Variants in PCDH7 observed in about 807,000 individuals in gnomAD.
PCDH7 encodes protocadherin-7.
Under a neutral mutation model 58.9 loss-of-function variants are expected in PCDH7, and 17 were observed. The observed-to-expected ratio is 0.29, with a 90% CI of 0.20 to 0.43. The LOEUF (loss-of-function observed/expected upper bound fraction) is 0.43, where lower values mean the gene tolerates loss of function less well. Among genes scored for constraint, PCDH7 ranks in the 20% least tolerant of loss-of-function variants. PCDH7 has a pLI of 1.00. For missense variants in PCDH7, 1,274 were observed against 1,441.0 expected, an observed-to-expected ratio of 0.88 and a Z score of 1.88; for synonymous variants, 664 against 616.4, an observed-to-expected ratio of 1.08 and a Z score of -1.14.
At chr4:30,796,585 C>A (rs1204228454) in intron 1 of PCDH7, among the ~76,000 whole-genome samples, 1 of 152,168 alleles carries the variant, frequency 6.6e-6, no homozygotes, top group Non-Finnish European at 1.5e-5. Context: ...ACATAGAAGG[C>A]TAAAATATTC....
intron 1 of PCDH7, among the ~76,000 whole-genome samples, chr4:30,741,786 C>G (rs1461637568): frequency 6.6e-6 from 1 of 152,192 alleles, no homozygotes; most frequent in Non-Finnish European, 1.5e-5. Context: ...ATGGAACAAT[C>G]TGGCTCGATT....
At chr4:30,943,470 C>A (rs1578371309) in intron 2 of PCDH7, among the ~76,000 whole-genome samples, 1 of 152,116 alleles carries the variant, frequency 6.6e-6, no homozygotes, top group Non-Finnish European at 1.5e-5. Context: ...CAGTGAGTGG[C>A]TGAAATGCAG....
chr4:30,873,737 G>A (rs569673979), intron 1 of PCDH7, among the ~76,000 whole-genome samples: 49 of 152,072 alleles, frequency 3.2e-4, no homozygotes, highest in Middle Eastern at 3.4e-3. Context: ...CCCCATGTTC[G>A]TAATGCAAAT....
chr4:31,038,253 G>T (rs1385640504), intron 3 of PCDH7, among the ~76,000 whole-genome samples: 1 of 152,158 alleles, frequency 6.6e-6, no homozygotes, highest in Non-Finnish European at 1.5e-5. Flanking sequence ...ACCAAAGGAA[G>T]GTTGCACATG....
intron 3 of PCDH7, among the ~76,000 whole-genome samples, chr4:31,020,488 C>A (rs939661585): frequency 2.6e-5 from 4 of 152,184 alleles, no homozygotes; most frequent in Non-Finnish European, 1.5e-5. Context: ...GTAGGCGAAT[C>A]AAGTTCTAAT....
intron 3 of PCDH7, among the ~76,000 whole-genome samples, chr4:31,066,051 T>A (rs772255457): frequency 9.2e-5 from 14 of 151,866 alleles, no homozygotes; most frequent in Non-Finnish European, 1.5e-4. Flanking sequence ...GTTCCTTCTA[T>A]CACACTAACC....
intron 1 of PCDH7, among the ~76,000 whole-genome samples, chr4:30,842,423 A>C (rs541159544): frequency 2.4e-4 from 37 of 152,158 alleles, no homozygotes; most frequent in Non-Finnish European, 4.7e-4. Flanking sequence ...TCACATTTGA[A>C]ATTGGCAGTC....
intron 3 of PCDH7, among the ~76,000 whole-genome samples, chr4:31,130,609 C>T (rs897763071): frequency 2.0e-4 from 30 of 152,066 alleles, no homozygotes; most frequent in African/African-American, 7.2e-4. Flanking sequence ...TCCTATAGAC[C>T]AGAAGTCTGA....
intron 3 of PCDH7, among the ~76,000 whole-genome samples, chr4:30,957,080 CGTAATATGAGCTTA>C (rs1199128577): frequency 6.6e-6 from 1 of 152,020 alleles, no homozygotes; most frequent in Non-Finnish European, 1.5e-5. Flanking sequence ...TCAGCAGCTG[CGTAATATGAGCTTA>C]TCACCACCAT....
chr4:30,895,946 C>T (rs189658811), intron 1 of PCDH7, among the ~76,000 whole-genome samples: 232 of 152,252 alleles, frequency 1.5e-3, no homozygotes, highest in African/African-American at 5.2e-3. Context: ...TTACTTCTTC[C>T]GCTTCATCTA....
chr4:30,750,673 A>G (rs16884042), intron 1 of PCDH7, among the ~76,000 whole-genome samples: 45,370 of 152,000 alleles, frequency 0.3, 7,124 homozygotes, highest in African/African-American at 0.32. Flanking sequence ...GTATGCCCTT[A>G]TCCATTATGT....
rs541921435 is a variant in PCDH7 at position 31,027,838 on chromosome 4, T to C, written c.*7+77623T>C. ...CTCTGACTGTTGGTTCCCTTGAAAT[T>C]ACTGTGTGTAACATTTCCATGTGAA... On this transcript the variant is annotated intron_variant, in intron 3 of 3. Coordinates refer to the PCDH7 transcript ENST00000509759. Among the ~76,000 whole-genome samples, 4 of 152,348 alleles carry C rather than the reference T, an allele frequency of 2.6e-5. No individual in the cohort carries two copies. The South Asian group carries it at 8.3e-4, about 32-fold the overall frequency.
chr4:31,069,395 C>T (rs1758354756), intron 3 of PCDH7, among the ~76,000 whole-genome samples: 2 of 141,328 alleles, frequency 1.4e-5, no homozygotes. Flanking sequence ...CTTGAAAACA[C>T]CTGTTCTTCT....
intron 1 of PCDH7, among the ~76,000 whole-genome samples, chr4:30,915,719 T>A (rs543296521): frequency 6.6e-6 from 1 of 152,252 alleles, no homozygotes; most frequent in East Asian, 1.9e-4. Flanking sequence ...AGACGGGGTT[T>A]CACCATGTTG....
At chr4:30,796,842 C>T (rs923550148) in intron 1 of PCDH7, among the ~76,000 whole-genome samples, 1 of 152,168 alleles carries the variant, frequency 6.6e-6, no homozygotes, top group African/African-American at 2.4e-5. Flanking sequence ...TCCCTGCTAG[C>T]TTATCCTAAT....
chr4:30,950,032 T>A (rs998670143), intron 2 of PCDH7: 2 of 152,604 alleles, frequency 1.3e-5, no homozygotes, highest in East Asian at 1.9e-4. Context: ...TTTTGGAAAT[T>A]GTTTTATTGG....
chr4:30,843,464 G>T (rs1731496366), intron 1 of PCDH7, among the ~76,000 whole-genome samples: 1 of 152,106 alleles, frequency 6.6e-6, no homozygotes, highest in Admixed American at 6.6e-5. Flanking sequence ...AAAGTGCTGG[G>T]ATTACAGGCG....
intron 1 of PCDH7, among the ~76,000 whole-genome samples, chr4:30,839,048 C>G (rs1466113285): frequency 2.0e-5 from 3 of 151,704 alleles, no homozygotes; most frequent in Admixed American, 6.6e-5. Flanking sequence ...GAAAGGGCAT[C>G]CTGAATTTAT....
At chr4:30,827,762 G>A (rs756005882) in intron 1 of PCDH7, among the ~76,000 whole-genome samples, 3 of 151,964 alleles carry the variant, frequency 2.0e-5, no homozygotes, top group Non-Finnish European at 2.9e-5. Flanking sequence ...AACATGATTC[G>A]TATTCTCAAG....
Sources: allele counts gnomAD v4.1 joint callset (sites outside exome capture counted in the v4.1 genomes callset), GRCh38; gene constraint gnomAD v4.1.1; transcripts MANE v1.5; gene names NCBI Gene and HGNC (gene_info 2026-07-23, HGNC 2026-07-21).